The following DR1 variants were observed in gnomAD, a reference collection of about 807,000 sequenced individuals.
DR1 encodes down-regulator of transcription 1, also known as protein Dr1.
In DR1, 7 loss-of-function variants were observed where a neutral mutation model predicts 19.9. That is an observed-to-expected ratio of 0.35 (90% confidence interval 0.20 to 0.66). The LOEUF is 0.66. Among genes scored for constraint, DR1 ranks in the 30% least tolerant of loss-of-function variants. The probability of loss-of-function intolerance (pLI) is 0.66; values close to 1 mark genes in which losing one functional copy is unlikely to be tolerated. For missense variants in DR1, 98 were observed against 203.7 expected, an observed-to-expected ratio of 0.48 and a Z score of 3.16; for synonymous variants, 76 against 72.5, an observed-to-expected ratio of 1.05 and a Z score of -0.24.
intron 2 of DR1, among the ~76,000 whole-genome samples, 166 bp from the exon 3 acceptor site, chr1:93,360,327 C>T (rs1181525406): frequency 6.6e-6 from 1 of 152,018 alleles, no homozygotes; most frequent in African/African-American, 2.4e-5. Context: ...TTATATTTAC[C>T]TATAGAGTTT....
Position 93,368,314 on chromosome 1 carries a change from T to G in DR1, c.*7675T>G, listed in dbSNP as rs1667190586. ...CTTTTAACTTTATGTTTCTTGCCTTTGTATATTTTATATGAATAGCACTTG... is the reference window on the plus strand; with the variant it reads ...CTTTTAACTTTATGTTTCTTGCCTTGGTATATTTTATATGAATAGCACTTG... On this transcript the variant is annotated 3_prime_UTR_variant, in exon 3 of 3. Coordinates refer to ENST00000370272, the MANE Select transcript of DR1 (RefSeq NM_001938.3). 1 of 152,258 alleles carries G rather than the reference T, an allele frequency of 6.6e-6. No individual in the cohort carries two copies. The highest frequency in any genetic ancestry group is 2.4e-5 in the African/African-American group (1 of 41,464). The allele number at this position is 152,258 out of a possible 1,614,324, so 9.4% of individuals were successfully genotyped here. A position where few individuals can be genotyped will look rare whatever the true frequency, so the allele number is the denominator to read the frequency against.
chr1:93,368,634 A>G lies in DR1; in HGVS notation c.*7995A>G, dbSNP rs371093291. 4.6e-5 allele frequency: 7 copies of G among 152,192 alleles called. No individual in the cohort carries two copies. The highest frequency in any genetic ancestry group is 1.7e-4 in the African/African-American group (7 of 41,456). 9.4% of individuals were successfully genotyped at this position (152,192 alleles called of 1,614,324 possible). A position where few individuals can be genotyped will look rare whatever the true frequency, so the allele number is the denominator to read the frequency against. On this transcript the variant is annotated 3_prime_UTR_variant, in exon 3 of 3. Transcript: ENST00000370272. The stretch of plus-strand genomic sequence containing the variant: ...ATGCCATTAACTTCATATTTATGTC[A>G]CTAATAAACTTCTAGAATCCATGTA...
intron 2 of DR1, among the ~76,000 whole-genome samples, chr1:93,358,099 C>A (rs1667011858): frequency 6.6e-6 from 1 of 151,976 alleles, no homozygotes; most frequent in African/African-American, 2.4e-5. Flanking sequence ...TATAGTGAGA[C>A]CCTCTCTCTA....
At chr1:93,350,297 A>G (rs1225065917) in intron 1 of DR1, among the ~76,000 whole-genome samples, 3 of 152,116 alleles carry the variant, frequency 2.0e-5, no homozygotes, top group African/African-American at 7.2e-5. Context: ...CAGTAGTGAT[A>G]CCATGGAGGA....
intron 1 of DR1, among the ~76,000 whole-genome samples, chr1:93,353,289 C>T (rs762815996): frequency 3.9e-5 from 6 of 151,968 alleles, no homozygotes; most frequent in Admixed American, 1.3e-4. Context: ...CTTTCAGCTA[C>T]GTTTTTTTTG....
chr1:93,346,928 A>T, intron 1 of DR1, 63 bp downstream of exon 1: 1 of 1,421,266 alleles, frequency 7.0e-7, no homozygotes, highest in Non-Finnish European at 9.7e-7. Context: ...TAATCGCGTG[A>T]CCCTTTCGTG....
In DR1 at chr1:93,346,537, A is replaced by AC; in HGVS notation, c.-103dup. 6.1e-6 allele frequency: 5 copies of AC among 826,036 alleles called. No homozygotes were observed. The highest frequency in any genetic ancestry group is 5.0e-5 in the East Asian group (2 of 40,326). 51.2% of individuals were successfully genotyped at this position (826,036 alleles called of 1,614,324 possible). ...ATTTTCTGCACCCTCTTCGCAAAGC[A>AC]CCCCCCGGGATCACTCTCCGAGGGC... On this transcript the variant is annotated 5_prime_UTR_variant, in exon 1 of 3. Coordinates refer to ENST00000370272, the MANE Select transcript of DR1 (RefSeq NM_001938.3).
intron 2 of DR1, among the ~76,000 whole-genome samples, chr1:93,357,905 A>AT (rs1301196948): frequency 2.6e-5 from 4 of 152,210 alleles, no homozygotes; most frequent in Non-Finnish European, 5.9e-5. Flanking sequence ...ATAAAAAAAA[A>AT]TGAAGAATAT....
chr1:93,362,438 C>CT lies in DR1; in HGVS notation c.*1812dup, dbSNP rs35736597. 0.73 allele frequency: 104,740 copies of CT among 143,002 alleles called. 39,621 individuals are homozygous for CT. Among genetic ancestry groups the CT allele is most frequent in the East Asian group, 0.96 (4,806 of 4,986 alleles). The allele number at this position is 143,002 out of a possible 1,614,324, so 8.9% of individuals were successfully genotyped here. On this transcript the variant is annotated 3_prime_UTR_variant, in exon 3 of 3. Transcript: ENST00000370272. ...TAAACAACTTAGATATTTTCCACAC[C>CT]TTTTTTTTTTTTTCTGATGCAGAGT...
chr1:93,360,743 C>CTTGT lies in DR1; in HGVS notation c.*105_*108dup, dbSNP rs1339286149. 6.2e-6 allele frequency: 8 copies of CTTGT among 1,287,922 alleles called. No individual in the cohort carries two copies. Among genetic ancestry groups the CTTGT allele is most frequent in the Non-Finnish European group, 8.5e-6 (8 of 942,866 alleles). 79.8% of individuals were successfully genotyped at this position (1,287,922 alleles called of 1,614,324 possible). On this transcript the variant is annotated 3_prime_UTR_variant, in exon 3 of 3. Transcript: ENST00000370272. The stretch of plus-strand genomic sequence containing the variant: ...GTAATTTTGTATGCATCTTGGTGGA[C>CTTGT]TTGTCATTGGTATTCTAGGGATGTC...
At chr1:93,351,581 G>A (rs1236657257) in intron 1 of DR1, among the ~76,000 whole-genome samples, 3 of 151,636 alleles carry the variant, frequency 2.0e-5, no homozygotes, top group African/African-American at 7.3e-5. Context: ...GATTACAGGC[G>A]TGTGCCACCA....
chr1:93,354,177 T>A, intron 2 of DR1, 106 bp downstream of exon 2: 1 of 1,099,358 alleles, frequency 9.1e-7, no homozygotes, highest in Non-Finnish European at 1.3e-6. Flanking sequence ...TTTTTCTAGG[T>A]AGTTGATTAT....
At chr1:93,358,606 G>T (rs560221571) in intron 2 of DR1, among the ~76,000 whole-genome samples, 1 of 152,114 alleles carries the variant, frequency 6.6e-6, no homozygotes, top group Admixed American at 6.5e-5. Context: ...CCATTCTTCC[G>T]AGGCCTGAGT....
At chr1:93,349,019 A>G (rs1666886047) in intron 1 of DR1, among the ~76,000 whole-genome samples, 1 of 152,122 alleles carries the variant, frequency 6.6e-6, no homozygotes, top group African/African-American at 2.4e-5. Context: ...TTAGGAATGT[A>G]GAATATATCC....
rs1295164620 is a variant in DR1 at position 93,362,124 on chromosome 1, T to A, written c.*1485T>A. ...GTTTTATAACTGTTAGGTTTCTTAA[T>A]GATCATATTTTGCAGTTTTAGTAAA... On this transcript the variant is annotated 3_prime_UTR_variant, in exon 3 of 3. Coordinates refer to ENST00000370272, the MANE Select transcript of DR1 (RefSeq NM_001938.3). 6.6e-6 allele frequency: 1 copy of A among 152,480 alleles called. No individual in the cohort carries two copies. The highest frequency in any genetic ancestry group is 6.5e-5 in the Admixed American group (1 of 15,278). The allele number at this position is 152,480 out of a possible 1,614,324, so 9.4% of individuals were successfully genotyped here.
intron 1 of DR1, 99 bp downstream of exon 1, chr1:93,346,964 G>GT: frequency 9.2e-7 from 1 of 1,088,270 alleles, no homozygotes; most frequent in Non-Finnish European, 1.3e-6. Flanking sequence ...CTCTTCCCTG[G>GT]TAAGTAACTT....
At chr1:93,357,373 G>A (rs1246792726) in intron 2 of DR1, among the ~76,000 whole-genome samples, 1 of 152,036 alleles carries the variant, frequency 6.6e-6, no homozygotes, top group African/African-American at 2.4e-5. Flanking sequence ...AAGCAAGGTG[G>A]CACCTTCCTG....
At chr1:93,353,575 A>G (rs1307532164) in intron 1 of DR1, among the ~76,000 whole-genome samples, 1 of 152,242 alleles carries the variant, frequency 6.6e-6, no homozygotes, top group Non-Finnish European at 1.5e-5. Context: ...TTTTCTTACT[A>G]AAACCATATG....
chr1:93,362,110 G>A lies in DR1; in HGVS notation c.*1471G>A, dbSNP rs1667061495. 1 of 152,416 alleles carries A rather than the reference G, an allele frequency of 6.6e-6. No homozygotes were observed. Among genetic ancestry groups the A allele is most frequent in the African/African-American group, 2.4e-5 (1 of 41,426 alleles). The allele number at this position is 152,416 out of a possible 1,614,324, so 9.4% of individuals were successfully genotyped here. A position where few individuals can be genotyped will look rare whatever the true frequency, so the allele number is the denominator to read the frequency against. On this transcript the variant is annotated 3_prime_UTR_variant, in exon 3 of 3. Transcript: ENST00000370272. ...GCTAAGTAAGTAAAGTTTTATAACT[G>A]TTAGGTTTCTTAATGATCATATTTT...
Sources: gnomAD v4.1 joint callset for allele counts (sites outside exome capture counted in the v4.1 genomes callset) on GRCh38, gnomAD v4.1.1 for gene constraint, MANE v1.5 for transcripts, NCBI Gene and HGNC (gene_info 2026-07-23, HGNC 2026-07-21) for gene names.